OR14I1: variants seen among roughly 807,000 people sequenced by gnomAD.
OR14I1 encodes the protein olfactory receptor family 14 subfamily I member 1, also known as olfactory receptor 14I1.
For missense variants in OR14I1, 279 were observed against 181.8 expected (o/e 1.53, Z -3.07); for synonymous variants, 118 against 71.1 (o/e 1.66, Z -3.32).
At chr1:248,695,352 GCCT>G in the OR14I1 span, among the ~76,000 whole-genome samples, 1 of 149,882 alleles carries the variant, frequency 6.7e-6, no homozygotes. Context: ...TCCTGCCTCA[GCCT>G]CCCGAGTAGC....
At chr1:248,693,923 A>C in the OR14I1 span, among the ~76,000 whole-genome samples, 1 of 151,072 alleles carries the variant, frequency 6.6e-6, no homozygotes, top group African/African-American at 2.4e-5. Context: ...AAAACCATTT[A>C]CTGGAATATT....
At chr1:248,690,488 A>T in the OR14I1 span, among the ~76,000 whole-genome samples, 1 of 151,866 alleles carries the variant, frequency 6.6e-6, no homozygotes, top group Non-Finnish European at 1.5e-5. Context: ...GAAGAAACGG[A>T]TAAATTCCTG....
chr1:248,686,488 A>C (rs368667038), upstream of OR14I1, among the ~76,000 whole-genome samples: 2 of 152,172 alleles, frequency 1.3e-5, no homozygotes, highest in African/African-American at 4.8e-5. Context: ...CTGCACCATG[A>C]GCTGCTTCCA....
chr1:248,683,707 T>A (rs114114816), upstream of OR14I1, among the ~76,000 whole-genome samples: 2,907 of 152,382 alleles, frequency 0.019, 51 homozygotes, highest in Admixed American at 0.027. Flanking sequence ...TTTGAAGCAT[T>A]TCATTGTATC....
chr1:248,681,840 G>T, exon 1 of OR14I1: 1 of 781,008 alleles, frequency 1.3e-6, no homozygotes, highest in South Asian at 1.3e-5. Flanking sequence ...CAGTGTGGAC[G>T]GCTGCGTAGG....
chr1:248,688,505 T>C, the OR14I1 span, among the ~76,000 whole-genome samples: 1 of 152,248 alleles, frequency 6.6e-6, no homozygotes, highest in Admixed American at 6.5e-5. Context: ...CTTCTGTCTT[T>C]TAACTAAAAT....
At chr1:248,681,196 C>A (rs767029420), downstream of OR14I1, among the ~76,000 whole-genome samples, 2 of 151,958 alleles carry the variant, frequency 1.3e-5, no homozygotes, top group Non-Finnish European at 2.9e-5. Flanking sequence ...GAAACATTTG[C>A]ATTTCTATCT....
At chr1:248,698,771 A>G in the OR14I1 span, 2 of 152,222 alleles carry the variant, frequency 1.3e-5, no homozygotes, top group African/African-American at 4.8e-5. Context: ...CTTGACTTAT[A>G]TCCTACTCCA....
At chr1:248,679,331 G>A (rs1661522047), downstream of OR14I1, among the ~76,000 whole-genome samples, 1 of 151,906 alleles carries the variant, frequency 6.6e-6, no homozygotes, top group African/African-American at 2.4e-5. Context: ...GTGCTGATTG[G>A]GAGGAGTGGC....
chr1:248,691,427 G>T, the OR14I1 span, among the ~76,000 whole-genome samples: 1 of 152,240 alleles, frequency 6.6e-6, no homozygotes, highest in African/African-American at 2.4e-5. Context: ...AGGGTAGAAT[G>T]TTCCCGTCAG....
At chr1:248,696,652 C>T in the OR14I1 span, among the ~76,000 whole-genome samples, 49 of 152,324 alleles carry the variant, frequency 3.2e-4, no homozygotes, top group African/African-American at 1.2e-3. Context: ...AGACCTTTTT[C>T]AGGCCTCCAC....
chr1:248,685,222 A>T (rs1661629304), upstream of OR14I1, among the ~76,000 whole-genome samples: 1 of 152,188 alleles, frequency 6.6e-6, no homozygotes, highest in African/African-American at 2.4e-5. Flanking sequence ...AAACATTAAT[A>T]AAAAAGTAAT....
At chr1:248,697,062 G>A in the OR14I1 span, 2 of 152,202 alleles carry the variant, frequency 1.3e-5, no homozygotes, top group African/African-American at 4.8e-5. Context: ...GTGATCTAGA[G>A]GAGGAAGATG....
At chr1:248,687,780 G>A in the OR14I1 span, among the ~76,000 whole-genome samples, 3 of 152,192 alleles carry the variant, frequency 2.0e-5, no homozygotes, top group South Asian at 2.1e-4. Context: ...CTAGACATCC[G>A]TCTTGTTTGA....
chr1:248,685,570 G>A (rs536449588), upstream of OR14I1, among the ~76,000 whole-genome samples: 977 of 152,044 alleles, frequency 6.4e-3, 10 homozygotes, highest in African/African-American at 0.022. Flanking sequence ...GTATTATCTA[G>A]AGAATGAGAA....
upstream of OR14I1, among the ~76,000 whole-genome samples, chr1:248,685,289 CA>C (rs367622695): frequency 3.3e-5 from 5 of 152,246 alleles, no homozygotes; most frequent in East Asian, 9.6e-4. Flanking sequence ...TACTATTTAA[CA>C]ATGCAGAGTA....
the OR14I1 span, among the ~76,000 whole-genome samples, chr1:248,689,468 C>G: frequency 3.9e-5 from 6 of 152,180 alleles, no homozygotes; most frequent in Admixed American, 1.3e-4. Context: ...CAACAAATTG[C>G]TCAAACAAAG....
At chr1:248,689,692 A>G in the OR14I1 span, among the ~76,000 whole-genome samples, 6 of 152,304 alleles carry the variant, frequency 3.9e-5, no homozygotes, top group African/African-American at 1.4e-4. Flanking sequence ...TAACAGGCCT[A>G]TTCAGGACTT....
the OR14I1 span, among the ~76,000 whole-genome samples, chr1:248,694,654 C>T: frequency 2.6e-5 from 4 of 152,164 alleles, no homozygotes; most frequent in African/African-American, 9.7e-5. Context: ...CAGAATCTAT[C>T]TAACCATGAG....
Sources: allele counts gnomAD v4.1 joint callset (sites outside exome capture counted in the v4.1 genomes callset), GRCh38; gene constraint gnomAD v4.1.1; transcripts MANE v1.5; gene names NCBI Gene and HGNC (gene_info 2026-07-23, HGNC 2026-07-21).